CDH13: variants seen among roughly 807,000 people sequenced by gnomAD.
The protein encoded by CDH13 is cadherin-13.
In CDH13, 24 loss-of-function variants were observed where a neutral mutation model predicts 63.8. The ratio of observed to expected loss-of-function variants is 0.38; its 90% CI spans 0.27 to 0.53. The LOEUF (loss-of-function observed/expected upper bound fraction) is 0.53, where lower values mean the gene tolerates loss of function less well. Among genes scored for constraint, CDH13 ranks in the 20% least tolerant of loss-of-function variants. CDH13 has a pLI of 0.85. For missense variants in CDH13, 1,049 were observed against 903.1 expected, an observed-to-expected ratio of 1.16 and a Z score of -2.07; for synonymous variants, 503 against 355.3, an observed-to-expected ratio of 1.42 and a Z score of -4.67.
chr16:83,109,021 G>C lies in CDH13; in HGVS notation c.367-16364G>C, dbSNP rs142224485. ...TTTCCTGGGATGACCCACCAATAAAGTACTTGCTGTTAAATCCTCAATCTT... is the reference window on the plus strand; with the variant it reads ...TTTCCTGGGATGACCCACCAATAAACTACTTGCTGTTAAATCCTCAATCTT... On this transcript the variant is annotated intron_variant, in intron 3 of 13. Transcript: ENST00000567109. 3.7e-3 allele frequency among the ~76,000 whole-genome samples: 562 copies of C among 151,384 alleles called. 8 individuals are homozygous for C. The highest frequency in any genetic ancestry group is 0.013 in the African/African-American group (534 of 41,064).
intron 5 of CDH13, among the ~76,000 whole-genome samples, chr16:83,272,965 C>T (rs919586281): frequency 1.3e-5 from 2 of 152,064 alleles, no homozygotes; most frequent in Non-Finnish European, 2.9e-5. Flanking sequence ...ACAGTGAGCT[C>T]GGTAAGCACA....
chr16:83,131,957 A>G (rs2036073820), intron 4 of CDH13, among the ~76,000 whole-genome samples: 1 of 152,212 alleles, frequency 6.6e-6, no homozygotes, highest in African/African-American at 2.4e-5. Flanking sequence ...CGTAAGTCAG[A>G]CATGACGGTA....
intron 6 of CDH13, among the ~76,000 whole-genome samples, chr16:83,419,949 G>C (rs1439597132): frequency 2.0e-5 from 3 of 149,586 alleles, no homozygotes; most frequent in Non-Finnish European, 3.0e-5. Flanking sequence ...TTGTATGTAT[G>C]TGTGTTCTGA....
intron 6 of CDH13, among the ~76,000 whole-genome samples, chr16:83,378,375 A>C (rs968637692): frequency 5.9e-5 from 9 of 152,194 alleles, no homozygotes; most frequent in African/African-American, 2.2e-4. Flanking sequence ...AGGTGCCCTG[A>C]GAAAAACACA....
At chr16:83,288,085 T>A (rs2089367647) in intron 5 of CDH13, among the ~76,000 whole-genome samples, 1 of 152,248 alleles carries the variant, frequency 6.6e-6, no homozygotes, top group South Asian at 2.1e-4. Flanking sequence ...TTAGGTAGTG[T>A]CCATCATGAC....
At chr16:83,707,855 A>G (rs2150919094) in intron 10 of CDH13, among the ~76,000 whole-genome samples, 1 of 147,448 alleles carries the variant, frequency 6.8e-6, no homozygotes, top group Admixed American at 6.7e-5. Flanking sequence ...AAAAAAAAAA[A>G]AAAGAGCTGG....
chr16:83,453,718 C>G (rs995159820), intron 6 of CDH13, among the ~76,000 whole-genome samples: 1 of 152,012 alleles, frequency 6.6e-6, no homozygotes, highest in Admixed American at 6.6e-5. Flanking sequence ...GCCGTACTCC[C>G]GAACTTGTTT....
chr16:82,770,103 T>C (rs1360886597), intron 1 of CDH13, among the ~76,000 whole-genome samples: 2 of 152,238 alleles, frequency 1.3e-5, no homozygotes, highest in Non-Finnish European at 2.9e-5. Flanking sequence ...AAGTTCTCCT[T>C]TGAGTCAGAT....
chr16:82,685,556 A>C (rs1167493055), intron 1 of CDH13, among the ~76,000 whole-genome samples: 1 of 152,198 alleles, frequency 6.6e-6, no homozygotes, highest in African/African-American at 2.4e-5. Flanking sequence ...CATCTGGAGA[A>C]AGAATTATTA....
chr16:83,701,321 A>C (rs1906190739), intron 10 of CDH13, among the ~76,000 whole-genome samples: 1 of 152,180 alleles, frequency 6.6e-6, no homozygotes, highest in Non-Finnish European at 1.5e-5. Flanking sequence ...AAGAAGTCTG[A>C]TGATGGATGC....
intron 11 of CDH13, among the ~76,000 whole-genome samples, chr16:83,759,019 G>A (rs1913738811): frequency 6.6e-6 from 1 of 152,168 alleles, no homozygotes; most frequent in Admixed American, 6.5e-5. Context: ...CCCAGCATGG[G>A]GATCGGGGCA....
rs370262239 is a variant in CDH13 at position 83,780,047 on chromosome 16, C to A, written c.1761C>A (p.Pro587=). 2.0e-5 allele frequency: 32 copies of A among 1,613,852 alleles called. No individual in the cohort carries two copies. Among genetic ancestry groups the A allele is most frequent in the Middle Eastern group, 1.6e-4 (1 of 6,084 alleles). Residue 587 remains proline (P), a synonymous_variant, in exon 12 of 14, where the codon CCC becomes CCA. Transcript: ENST00000567109. ...DVNDNAPFIY[P]TVAEVCDDAK... is the part of the protein sequence containing the mutation. ...ATGACAATGCCCCGTTCATTTACCC[C>A]ACAGTAGCTGAAGTCTGTGATGATG...
intron 2 of CDH13, among the ~76,000 whole-genome samples, chr16:82,907,869 ATGTCTT>A (rs1180773199): frequency 1.3e-5 from 2 of 152,168 alleles, no homozygotes; most frequent in Non-Finnish European, 2.9e-5. Context: ...TAGAGATAGT[ATGTCTT>A]TGAATGCAAA....
chr16:83,733,545 G>C (rs995982967), intron 10 of CDH13, among the ~76,000 whole-genome samples: 4 of 152,128 alleles, frequency 2.6e-5, no homozygotes, highest in Admixed American at 6.5e-5. Context: ...GTCATAATGC[G>C]AGGCTCAGCC....
chr16:83,555,033 G>T (rs2075576090), intron 7 of CDH13, among the ~76,000 whole-genome samples: 1 of 151,962 alleles, frequency 6.6e-6, no homozygotes, highest in South Asian at 2.1e-4. Context: ...GAGGTGGAGG[G>T]TAGGAGCCAT....
At chr16:83,512,590 C>A (rs894305486) in intron 7 of CDH13, among the ~76,000 whole-genome samples, 6 of 150,804 alleles carry the variant, frequency 4.0e-5, no homozygotes, top group African/African-American at 1.5e-4. Flanking sequence ...ATCATTTGAA[C>A]CCAGGAGGTG....
intron 2 of CDH13, among the ~76,000 whole-genome samples, chr16:82,986,534 C>A (rs541037181): frequency 6.6e-6 from 1 of 152,190 alleles, no homozygotes; most frequent in Non-Finnish European, 1.5e-5. Flanking sequence ...TGTACACACC[C>A]GAGTGTTATC....
chr16:83,332,628 T>C (rs574229596), intron 5 of CDH13, among the ~76,000 whole-genome samples: 146 of 152,322 alleles, frequency 9.6e-4, no homozygotes, highest in African/African-American at 3.4e-3. Flanking sequence ...CCTTAACCCT[T>C]GTACATATCC....
At chr16:83,084,200 C>T (rs555000302) in intron 3 of CDH13, among the ~76,000 whole-genome samples, 10 of 152,264 alleles carry the variant, frequency 6.6e-5, no homozygotes, top group African/African-American at 1.9e-4. Flanking sequence ...AGATTGGAGC[C>T]AACTGATTGC....
Sources: gnomAD v4.1 joint callset for allele counts (sites outside exome capture counted in the v4.1 genomes callset) on GRCh38, gnomAD v4.1.1 for gene constraint, MANE v1.5 for transcripts, NCBI Gene and HGNC (gene_info 2026-07-23, HGNC 2026-07-21) for gene names.